Variants in WNK2 observed in about 807,000 individuals in gnomAD.
WNK2 encodes the protein WNK lysine deficient protein kinase 2.
In WNK2, 67 loss-of-function variants were observed where a neutral mutation model predicts 192.1. The observed-to-expected ratio is 0.35, with a 90% CI of 0.29 to 0.43. The LOEUF (loss-of-function observed/expected upper bound fraction) is 0.43, where lower values mean the gene tolerates loss of function less well. Among genes scored for constraint, WNK2 ranks in the 20% least tolerant of loss-of-function variants. The probability of loss-of-function intolerance (pLI) is 1.00; values close to 1 mark genes in which losing one functional copy is unlikely to be tolerated. For missense variants in WNK2, 2,698 were observed against 3,089.7 expected (o/e 0.87, Z 3.01); for synonymous variants, 1,439 against 1,393.9 (o/e 1.03, Z -0.72).
intron 28 of WNK2, among the ~76,000 whole-genome samples, chr9:93,313,461 T>C (rs1161550775): frequency 6.6e-6 from 1 of 152,052 alleles, no homozygotes; most frequent in African/African-American, 2.4e-5. Context: ...CTTCACATAA[T>C]ATTTTTTAGT....
chr9:93,211,937 C>G (rs1482976406), intron 2 of WNK2, among the ~76,000 whole-genome samples: 1 of 151,812 alleles, frequency 6.6e-6, no homozygotes. Context: ...TACTCATTCA[C>G]TCACTCATCC....
chr9:93,289,543 G>A lies in WNK2; in HGVS notation c.4789G>A (p.Val1597Ile). ...GAGAGGGGACCAGCCCCGCTCAGAG[G>A]TCTGCGGGGGGGACCTGGCCCTGCC... Reference protein sequence around the residue: ...PLRGDQPRSEVCGGDLALPPV... With the variant: ...PLRGDQPRSEICGGDLALPPV... Residue 1597 changes from valine (V) to isoleucine (I), a missense_variant, in exon 20 of 30, where the codon GTC becomes ATC. Around this residue, in one of 7 missense-constraint regions of WNK2, gnomAD observed 1,098 missense variants for 1,101.0 expected, o/e 1.00. Transcript: ENST00000427277. 6.4e-7 allele frequency: 1 copy of A among 1,574,350 alleles called. No individual in the cohort carries two copies. Among genetic ancestry groups the A allele is most frequent in the East Asian group, 2.3e-5 (1 of 44,070 alleles).
rs1240612829 is a variant in WNK2 at position 93,268,707 on chromosome 9, C to G, written c.3994C>G (p.Pro1332Ala). The G allele has an allele frequency of 7.4e-6, 12 of 1,613,290 alleles. No homozygotes were observed. The highest frequency in any genetic ancestry group is 1.0e-5 in the Non-Finnish European group (12 of 1,179,808). Residue 1332 changes from proline (P) to alanine (A), a missense_variant, in exon 19 of 30, where the codon CCA becomes GCA. This residue lies in a region of WNK2 where 1,098 missense variants were observed against 1,101.0 expected (regional missense o/e 1.00). Coordinates refer to ENST00000427277, the MANE Select transcript of WNK2 (RefSeq NM_006648.4). ...PAPEAPESSPPLPLSSLPPEA... is the reference protein window; with the variant it reads ...PAPEAPESSPALPLSSLPPEA... Reference sequence around the variant, plus strand: ...CCCCGAGGCCCCTGAATCTTCGCCCCCACTTCCTCTAAGCTCCCTGCCGCC... The same window carrying G: ...CCCCGAGGCCCCTGAATCTTCGCCCGCACTTCCTCTAAGCTCCCTGCCGCC...
intron 2 of WNK2, among the ~76,000 whole-genome samples, chr9:93,195,003 G>A (rs1168031876): frequency 6.7e-6 from 1 of 149,774 alleles, no homozygotes; most frequent in East Asian, 1.9e-4. Flanking sequence ...TGGAAAAGAC[G>A]AGAAACCATG....
chr9:93,223,275 C>T (rs1255940030), intron 2 of WNK2, among the ~76,000 whole-genome samples: 2 of 152,192 alleles, frequency 1.3e-5, no homozygotes, highest in East Asian at 1.9e-4. Context: ...GTCCAAGTGG[C>T]GCCCCGTTGC....
At position 93,184,243 on chromosome 9, in the gene WNK2, G is replaced by A. The variant is rs1828842807; in HGVS notation, c.-145G>A. On this transcript the variant is annotated 5_prime_UTR_variant, in exon 1 of 30. Transcript: ENST00000427277. ...CAGTGGCCCGGCCCGAGAGAGCAGC[G>A]CGCAGGAGCTGGAGCGGCGCCACGG... Among the ~76,000 whole-genome samples the A allele has an allele frequency of 6.6e-6, 1 of 150,680 alleles. No individual in the cohort carries two copies. Among genetic ancestry groups the A allele is most frequent in the South Asian group, 2.1e-4 (1 of 4,824 alleles).
Position 93,262,736 on chromosome 9 carries a change from T to C in WNK2, c.3410+17T>C, listed in dbSNP as rs1209808568. The C allele has an allele frequency of 6.2e-7, 1 of 1,611,396 alleles. No homozygotes were observed. Among genetic ancestry groups the C allele is most frequent in the Non-Finnish European group, 8.5e-7 (1 of 1,179,830 alleles). On this transcript the variant is annotated intron_variant, in intron 14 of 29. Transcript: ENST00000427277. ...CTGTGAGAGGTAGTGTGGCCCAGCC[T>C]CGACCTCGCAGGACGGGTGTAGGGG...
intron 26 of WNK2, among the ~76,000 whole-genome samples, chr9:93,301,858 C>T (rs1302903990): frequency 6.6e-6 from 1 of 152,254 alleles, no homozygotes; most frequent in Non-Finnish European, 1.5e-5. Flanking sequence ...TAGCCCCCAT[C>T]AGGCAAGTCT....
Position 93,292,655 on chromosome 9 carries a change from G to A in WNK2, c.5190G>A (p.Arg1730=), listed in dbSNP as rs1849545431. Residue 1730 remains arginine, a synonymous_variant, in exon 23 of 30, where the codon CGG becomes CGA. Coordinates refer to ENST00000427277, the MANE Select transcript of WNK2 (RefSeq NM_006648.4). The part of the protein sequence containing the change: ...TLGARALGSP[R]KRPEQQDVSS... ...GCGCTCGAGCTTTGGGGTCCCCTCGGAAACGTCCAGAGCAGCAGGATGTCA... is the reference window on the plus strand; with the variant it reads ...GCGCTCGAGCTTTGGGGTCCCCTCGAAAACGTCCAGAGCAGCAGGATGTCA... 2 of 1,579,960 alleles carry A rather than the reference G, an allele frequency of 1.3e-6. No homozygotes were observed. Among genetic ancestry groups the A allele is most frequent in the Non-Finnish European group, 1.7e-6 (2 of 1,164,280 alleles).
chr9:93,219,367 G>A (rs527754212), intron 2 of WNK2, among the ~76,000 whole-genome samples: 1 of 152,274 alleles, frequency 6.6e-6, no homozygotes, highest in Non-Finnish European at 1.5e-5. Flanking sequence ...CTTTCAAAAA[G>A]TGCACACAAG....
chr9:93,303,296 C>T (rs16909005), intron 26 of WNK2, among the ~76,000 whole-genome samples: 4,769 of 152,240 alleles, frequency 0.031, 119 homozygotes, highest in East Asian at 0.081. Flanking sequence ...CACCTCTGGT[C>T]GTGGTTCTGT....
At chr9:93,199,816 G>A (rs1332228137) in intron 2 of WNK2, among the ~76,000 whole-genome samples, 2 of 150,878 alleles carry the variant, frequency 1.3e-5, no homozygotes, top group African/African-American at 4.9e-5. Flanking sequence ...GGAGAATGGC[G>A]TGAACCTGGG....
rs1829072328 is a variant in WNK2, at chr9:93,185,224, G to A, written c.295G>A (p.Ala99Thr). Residue 99 changes from alanine to threonine, a missense_variant, in exon 2 of 30, where the codon GCA becomes ACA. By Grantham distance (58) the Ala-to-Thr change is moderately conservative. This residue lies in a region of WNK2 where 260 missense variants were observed against 285.6 expected (regional missense o/e 0.91). Coordinates refer to ENST00000427277, the MANE Select transcript of WNK2 (RefSeq NM_006648.4). Reference sequence around the variant, plus strand: ...CGGACGCCCCGCCGCCCCCGCGCCCGCAGCGCTGGTAGCGCAGCCGGGAGC... The same window carrying A: ...CGGACGCCCCGCCGCCCCCGCGCCCACAGCGCTGGTAGCGCAGCCGGGAGC... ...ARGRPAAPAP[A>T]ALVAQPGAPG... The A allele has an allele frequency of 8.4e-7, 1 of 1,185,076 alleles. No homozygotes were observed. The highest frequency in any genetic ancestry group is 1.0e-6 in the Non-Finnish European group (1 of 960,452). 73.4% of individuals were successfully genotyped at this position (1,185,076 alleles called of 1,614,324 possible). A position where few individuals can be genotyped will look rare whatever the true frequency, so the allele number is the denominator to read the frequency against.
chr9:93,263,613 G>T lies in WNK2; in HGVS notation c.3458G>T (p.Cys1153Phe). The T allele has an allele frequency of 6.2e-7, 1 of 1,610,474 alleles. No homozygotes were observed. The change falls in exon 15 of 30, where the codon TGT becomes TTT. Residue 1153 changes from cysteine (C) to phenylalanine (F), a missense_variant. Around this residue, in one of 7 missense-constraint regions of WNK2, gnomAD observed 893 missense variants for 909.0 expected, o/e 0.98. Coordinates refer to ENST00000427277, the MANE Select transcript of WNK2 (RefSeq NM_006648.4). ...TCTGGAAAAGAGCTGAGTGACAGCT[G>T]TGAAGGCGCCTTTGGAGGGGGCAGG... Reference protein sequence around the residue: ...VTSGKELSDSCEGAFGGGRLE... With the variant: ...VTSGKELSDSFEGAFGGGRLE...
intron 3 of WNK2, 23 bp from the exon 4 acceptor site, chr9:93,230,864 AG>A: frequency 7.5e-6 from 12 of 1,592,650 alleles, no homozygotes; most frequent in Non-Finnish European, 9.4e-6. Flanking sequence ...CTGCTTGGTG[AG>A]CTGTGCCCGT....
chr9:93,251,233 A>G (rs1168968332), intron 8 of WNK2, among the ~76,000 whole-genome samples: 1 of 152,122 alleles, frequency 6.6e-6, no homozygotes, highest in East Asian at 1.9e-4. Flanking sequence ...CTCCTGCCTC[A>G]GCCTCCTGAG....
rs796067430 is a variant in WNK2, at chr9:93,258,798, G to A, written c.2383-133G>A. 5.6e-5 allele frequency: 42 copies of A among 748,914 alleles called. No homozygotes were observed. The African/African-American group carries it at 5.7e-4, about 10-fold the overall frequency. The allele number at this position is 748,914 out of a possible 1,614,324, so 46.4% of individuals were successfully genotyped here. On this transcript the variant is annotated intron_variant, in intron 11 of 29. Transcript: ENST00000427277. ...AACAGCAGCTACACAAAGGTGTCTC[G>A]GAGGGAAAGGGTCATGCTGTCTTCA...
At chr9:93,276,912 T>A (rs2133462211) in intron 19 of WNK2, among the ~76,000 whole-genome samples, 1 of 152,186 alleles carries the variant, frequency 6.6e-6, no homozygotes, top group Non-Finnish European at 1.5e-5. Flanking sequence ...GGCGGGCACC[T>A]GTAATCCCAG....
At chr9:93,187,397 T>A (rs1193469419) in intron 2 of WNK2, among the ~76,000 whole-genome samples, 1 of 152,164 alleles carries the variant, frequency 6.6e-6, no homozygotes, top group South Asian at 2.1e-4. Context: ...TATATGTTGA[T>A]GTTCCTTGCC....
Sources: gnomAD v4.1 joint callset for allele counts (sites outside exome capture counted in the v4.1 genomes callset) on GRCh38, gnomAD v4.1.1 for gene constraint, gnomAD v4.1.1 regional missense constraint, MANE v1.5 for transcripts, NCBI Gene and HGNC (gene_info 2026-07-23, HGNC 2026-07-21) for gene names.